Variants in ANO3 observed in about 807,000 individuals in gnomAD.
The protein encoded by ANO3 is anoctamin 3, also known as anoctamin-3.
Under a neutral mutation model 144.8 loss-of-function variants are expected in ANO3, and 99 were observed. The ratio of observed to expected loss-of-function variants is 0.68; its 90% CI spans 0.58 to 0.81. The LOEUF is 0.81. ANO3 is among the 30% of genes least tolerant of loss of function. ANO3 has a pLI of 0.00. For missense variants in ANO3, 905 were observed against 1,202.2 expected (o/e 0.75, Z 3.66); for synonymous variants, 414 against 392.6 (o/e 1.05, Z -0.64).
At chr11:26,564,758 T>C (rs1292067223) in intron 14 of ANO3, among the ~76,000 whole-genome samples, 12 of 92,888 alleles carry the variant, frequency 1.3e-4, no homozygotes, top group East Asian at 4.0e-4. Flanking sequence ...TATATATATA[T>C]ATATATATAT....
chr11:26,269,902 G>A (rs1361944955), intron 1 of ANO3, among the ~76,000 whole-genome samples: 2 of 152,146 alleles, frequency 1.3e-5, no homozygotes, highest in African/African-American at 4.8e-5. Flanking sequence ...TAATTAAAAG[G>A]AGGTAATTAG....
chr11:26,590,477 G>T (rs974280490), intron 14 of ANO3, among the ~76,000 whole-genome samples: 7 of 152,146 alleles, frequency 4.6e-5, no homozygotes, highest in African/African-American at 1.7e-4. Context: ...ATGGTGGCAG[G>T]CCACTCCCAA....
intron 4 of ANO3, among the ~76,000 whole-genome samples, chr11:26,486,068 T>TAA (rs147645311): frequency 4.6e-5 from 7 of 151,584 alleles, no homozygotes; most frequent in South Asian, 2.1e-4. Context: ...TTTATTTATT[T>TAA]AAAAAAAAAT....
chr11:26,449,483 TCTCTCA>T (rs1408315825), intron 3 of ANO3, among the ~76,000 whole-genome samples: 1 of 32,206 alleles, frequency 3.1e-5, no homozygotes, highest in Non-Finnish European at 7.6e-5. Flanking sequence ...TCTCTCTCTC[TCTCTCA>T]CACACACACA....
At chr11:26,583,838 G>A (rs1483457799) in intron 14 of ANO3, among the ~76,000 whole-genome samples, 2 of 152,122 alleles carry the variant, frequency 1.3e-5, no homozygotes, top group Non-Finnish European at 2.9e-5. Flanking sequence ...CTGGCAATCT[G>A]AGTTGTTGCT....
At chr11:26,289,670 TGTAC>T (rs1255932877) in intron 1 of ANO3, among the ~76,000 whole-genome samples, 1 of 97,914 alleles carries the variant, frequency 1.0e-5, no homozygotes, top group Non-Finnish European at 2.1e-5. Context: ...TGTGTGTATA[TGTAC>T]ATATACACAC....
At chr11:26,521,951 G>A (rs780565659) in intron 6 of ANO3, among the ~76,000 whole-genome samples, 7 of 152,162 alleles carry the variant, frequency 4.6e-5, no homozygotes, top group African/African-American at 9.7e-5. Flanking sequence ...TTGGGAGGCC[G>A]AAGCGGGTGG....
chr11:26,563,054 A>G, intron 14 of ANO3: 7 of 1,581,394 alleles, frequency 4.4e-6, no homozygotes, highest in Non-Finnish European at 6.0e-6. Flanking sequence ...TGCAGTGAAC[A>G]TTGGCATCCT....
intron 14 of ANO3, among the ~76,000 whole-genome samples, chr11:26,563,538 C>T (rs1590539979): frequency 1.3e-5 from 2 of 151,526 alleles, no homozygotes; most frequent in Non-Finnish European, 1.5e-5. Flanking sequence ...GCTCTATAGC[C>T]GTGTCTTGTG....
intron 5 of ANO3, 51 bp from the exon 6 acceptor site, chr11:26,516,776 A>G: frequency 7.8e-7 from 1 of 1,282,046 alleles, no homozygotes; most frequent in South Asian, 1.3e-5. Flanking sequence ...GTGGCATGAT[A>G]TCATCAGCTC....
At chr11:26,509,467 C>T (rs375846490) in intron 5 of ANO3, among the ~76,000 whole-genome samples, 3 of 152,088 alleles carry the variant, frequency 2.0e-5, no homozygotes, top group South Asian at 2.1e-4. Context: ...AACCGATCAC[C>T]GTGCCCACCT....
In ANO3 at chr11:26,379,795, A is replaced by G. The variant is rs201727018; in HGVS notation, c.46+47474A>G. Among the ~76,000 whole-genome samples the G allele has an allele frequency of 2.6e-5, 4 of 152,076 alleles. No individual in the cohort carries two copies. The East Asian group carries it at 7.7e-4, about 29-fold the overall frequency. Reference sequence around the variant, plus strand: ...GTGACAGTAAAACCCCGTTTCAAAAAAAGAATGGTGAAAATTGGAAAGATC... The same window carrying G: ...GTGACAGTAAAACCCCGTTTCAAAAGAAGAATGGTGAAAATTGGAAAGATC... On this transcript the variant is annotated intron_variant, in intron 1 of 26. Transcript: ENST00000256737.
At chr11:26,332,353 G>T in intron 1 of ANO3, 32 bp downstream of exon 1, 2 of 1,610,698 alleles carry the variant, frequency 1.2e-6, no homozygotes, top group Non-Finnish European at 1.7e-6. Flanking sequence ...CTCTCCCTGC[G>T]GGCGTCACTT....
At chr11:26,200,413 C>T (rs142487253) in intron 1 of ANO3, among the ~76,000 whole-genome samples, 2 of 152,078 alleles carry the variant, frequency 1.3e-5, no homozygotes, top group Admixed American at 1.3e-4. Context: ...GTTGGTCACT[C>T]TATTATAATC....
intron 1 of ANO3, among the ~76,000 whole-genome samples, chr11:26,373,992 A>G (rs1319490270): frequency 6.6e-6 from 1 of 152,178 alleles, no homozygotes; most frequent in Non-Finnish European, 1.5e-5. Flanking sequence ...GATTTAAATC[A>G]TATTGATAGG....
intron 1 of ANO3, among the ~76,000 whole-genome samples, chr11:26,379,204 G>T (rs929682199): frequency 2.0e-5 from 3 of 152,094 alleles, no homozygotes; most frequent in African/African-American, 4.8e-5. Flanking sequence ...ATGAGAAGAT[G>T]GCCTGGTTAA....
At chr11:26,216,541 C>G (rs1852039258) in intron 1 of ANO3, among the ~76,000 whole-genome samples, 2 of 151,984 alleles carry the variant, frequency 1.3e-5, no homozygotes, top group African/African-American at 4.8e-5. Flanking sequence ...ATATTGAATG[C>G]TTCCTGTTTG....
intron 3 of ANO3, among the ~76,000 whole-genome samples, chr11:26,448,373 C>G (rs371620493): frequency 6.6e-6 from 1 of 151,116 alleles, no homozygotes; most frequent in Non-Finnish European, 1.5e-5. Context: ...CCAACCCAAA[C>G]ACACATCTGT....
At chr11:26,564,520 T>A (rs1850440063) in intron 14 of ANO3, among the ~76,000 whole-genome samples, 1 of 150,274 alleles carries the variant, frequency 6.7e-6, no homozygotes, top group African/African-American at 2.4e-5. Flanking sequence ...TTTTTCATTT[T>A]ATGGAAAAAT....
Sources: gnomAD v4.1 joint callset for allele counts (sites outside exome capture counted in the v4.1 genomes callset) on GRCh38, gnomAD v4.1.1 for gene constraint, MANE v1.5 for transcripts, NCBI Gene and HGNC (gene_info 2026-07-23, HGNC 2026-07-21) for gene names.